The following EPB42 variants were observed in gnomAD, a reference collection of about 807,000 sequenced individuals.
The protein encoded by EPB42 is erythrocyte membrane protein band 4.2.
EPB42 carries 49 observed loss-of-function variants against 76.9 expected under a neutral mutation model. The observed-to-expected ratio is 0.64, with a 90% CI of 0.51 to 0.81. EPB42 has a LOEUF of 0.81. EPB42 is among the 30% of genes least tolerant of loss of function. The pLI is 0.00. For synonymous variants in EPB42, 310 were observed against 338.4 expected (o/e 0.92, Z 0.92); for missense variants, 731 against 867.6 (o/e 0.84, Z 1.98).
chr15:43,220,857 C>T lies in EPB42; in HGVS notation c.-32G>A, dbSNP rs374528475. ...AGGCCGCTCCTCTTATCCACTTGGCCGCAGAAAGCGCCTCTCTCAAACTGT... is the reference window on the plus strand; with the variant it reads ...AGGCCGCTCCTCTTATCCACTTGGCTGCAGAAAGCGCCTCTCTCAAACTGT... On this transcript the variant is annotated 5_prime_UTR_variant, in exon 1 of 13. Coordinates refer to ENST00000441366, the MANE Select transcript of EPB42 (RefSeq NM_001114134.2). 31 of 1,593,768 alleles carry T rather than the reference C, an allele frequency of 1.9e-5. No homozygotes were observed. The highest frequency in any genetic ancestry group is 1.9e-4 in the African/African-American group (14 of 74,678).
intron 6 of EPB42, 123 bp from the exon 7 acceptor site, chr15:43,208,898 A>G: frequency 8.4e-7 from 1 of 1,188,658 alleles, no homozygotes; most frequent in Non-Finnish European, 1.2e-6. Flanking sequence ...GGAGTGCAGG[A>G]ACCTAGAAGT....
At chr15:43,221,266 A>G (rs761675231), upstream of EPB42, 3 of 209,956 alleles carry the variant, frequency 1.4e-5, no homozygotes, top group Non-Finnish European at 2.9e-5. Context: ...GAGGCCACAA[A>G]CAGGAGTCCC....
At chr15:43,212,556 C>G (rs192891269) in intron 3 of EPB42, among the ~76,000 whole-genome samples, 1 of 152,274 alleles carries the variant, frequency 6.6e-6, no homozygotes, top group East Asian at 1.9e-4. Flanking sequence ...TAAGCATAGG[C>G]TGACGGATGT....
chr15:43,212,411 C>G (rs2042315025), intron 3 of EPB42, among the ~76,000 whole-genome samples: 1 of 149,534 alleles, frequency 6.7e-6, no homozygotes. Context: ...AAAAGAAAAT[C>G]CTAGTCGTTC....
At position 43,216,395 on chromosome 15, in the gene EPB42, G is replaced by A. The variant is rs1207873102; in HGVS notation, c.69C>T (p.Thr23=). 20 of 1,614,206 alleles carry A rather than the reference G, an allele frequency of 1.2e-5. No individual in the cohort carries two copies. Among genetic ancestry groups the A allele is most frequent in the Non-Finnish European group, 1.6e-5 (19 of 1,180,038 alleles). The change falls in exon 2 of 13, where the codon ACC becomes ACT. Residue 23 remains threonine, a synonymous_variant. Coordinates refer to ENST00000441366, the MANE Select transcript of EPB42 (RefSeq NM_001114134.2). The stretch of plus-strand genomic sequence containing the variant: ...AGAGGCGCCGGGAGCTGAGGGCCTT[G>A]GTGTGGTGCTCCTCATTGTTTCTTG... ...QAARNNEEHH[T]KALSSRRLFV...
In EPB42 at chr15:43,216,467, G is replaced by A. The variant is rs775862601; in HGVS notation, c.11-14C>T. The A allele has an allele frequency of 1.3e-5, 21 of 1,613,732 alleles. No homozygotes were observed. The highest frequency in any genetic ancestry group is 1.8e-5 in the Non-Finnish European group (21 of 1,179,980). On this transcript the variant is annotated splice_polypyrimidine_tract_variant and intron_variant, in intron 1 of 12. Coordinates refer to ENST00000441366, the MANE Select transcript of EPB42 (RefSeq NM_001114134.2). Reference sequence around the variant, plus strand: ...TGATACCCAGGGCTGTTGTGGGAAAGAGAGAAGTCACGGAAACTAAGTACA... The same window carrying A: ...TGATACCCAGGGCTGTTGTGGGAAAAAGAGAAGTCACGGAAACTAAGTACA...
At chr15:43,222,471 G>A (rs1259444952), upstream of EPB42, among the ~76,000 whole-genome samples, 2 of 152,166 alleles carry the variant, frequency 1.3e-5, no homozygotes, top group Non-Finnish European at 2.9e-5. Flanking sequence ...AGATAAAAAG[G>A]AAGATCACCA....
At chr15:43,224,748 T>A (rs545992673), upstream of EPB42, among the ~76,000 whole-genome samples, 1 of 152,250 alleles carries the variant, frequency 6.6e-6, no homozygotes, top group South Asian at 2.1e-4. Flanking sequence ...TATAAAAGGA[T>A]GTGGAACAAT....
Position 43,213,957 on chromosome 15 carries a change from G to A in EPB42, c.430+1138C>T, listed in dbSNP as rs3803340. ...GTCAGGAGCTGCGGGCCAGACATGA[G>A]GCCAGGCTTAAGAACCTGGGAAGGT... is the stretch of plus-strand genomic sequence containing the variant. On this transcript the variant is annotated intron_variant, in intron 3 of 12. Transcript: ENST00000441366. 3.3e-3 allele frequency among the ~76,000 whole-genome samples: 509 copies of A among 152,272 alleles called. 16 individuals carry two copies. In the East Asian group the frequency reaches 0.079, roughly 24 times the overall value.
In EPB42 at chr15:43,209,459, G is replaced by T; in HGVS notation, c.655-8C>A. On this transcript the variant is annotated splice_region_variant and splice_polypyrimidine_tract_variant and intron_variant, in intron 5 of 12. Transcript: ENST00000441366. ...CTCCTTGAGAAAATGCAGCTGTTTG[G>T]GGAAATGTGTGGATGTCAGTATGAG... 1 of 1,608,152 alleles carries T rather than the reference G, an allele frequency of 6.2e-7. No homozygotes were observed. The highest frequency in any genetic ancestry group is 1.1e-5 in the South Asian group (1 of 90,362).
intron 4 of EPB42, 33 bp downstream of exon 4, chr15:43,211,383 T>A (rs1316152709): frequency 7.5e-7 from 1 of 1,339,278 alleles, no homozygotes; most frequent in Non-Finnish European, 1.1e-6. Context: ...GGACAGTCAC[T>A]CTACACACTC....
intron 10 of EPB42, among the ~76,000 whole-genome samples, chr15:43,205,289 G>C (rs955155643): frequency 2.0e-5 from 3 of 152,230 alleles, no homozygotes; most frequent in African/African-American, 7.2e-5. Context: ...TGACCGGTTA[G>C]AAGGCTGTTG....
intron 7 of EPB42, 81 bp downstream of exon 7, chr15:43,208,556 G>A: frequency 1.9e-6 from 3 of 1,586,794 alleles, no homozygotes; most frequent in Non-Finnish European, 2.6e-6. Context: ...GCCATGCAGG[G>A]GGTGGGGCTC....
intron 12 of EPB42, 35 bp downstream of exon 12, chr15:43,201,809 C>T (rs768546072): frequency 2.5e-6 from 4 of 1,614,050 alleles, no homozygotes; most frequent in South Asian, 2.2e-5. Flanking sequence ...CCCATTGAGA[C>T]ATTTCAGGGG....
At chr15:43,198,447 T>C (rs1224139263) in intron 12 of EPB42, among the ~76,000 whole-genome samples, 2 of 152,150 alleles carry the variant, frequency 1.3e-5, no homozygotes, top group African/African-American at 4.8e-5. Context: ...TTGTGGAACT[T>C]TGAACTTGAG....
At chr15:43,214,076 G>A (rs1348555323) in intron 3 of EPB42, among the ~76,000 whole-genome samples, 1 of 152,242 alleles carries the variant, frequency 6.6e-6, no homozygotes, top group Non-Finnish European at 1.5e-5. Flanking sequence ...GAGGAAAAGG[G>A]CTATGTACTC....
intron 6 of EPB42, 67 bp from the exon 7 acceptor site, chr15:43,208,842 AG>A (rs2042247995): frequency 4.2e-5 from 66 of 1,554,100 alleles, no homozygotes; most frequent in Non-Finnish European, 5.7e-5. Flanking sequence ...GTGGGAGGCT[AG>A]GATTTTCAGT....
chr15:43,197,336 C>G lies in EPB42; in HGVS notation c.2042G>C (p.Ser681Thr). ...NMFQNLTNYK[S>T]VTVVAPELSA The stretch of plus-strand genomic sequence containing the variant: ...TAGTTCAGGGGCTACCACGGTGACG[C>G]TTTTATAGTTGGTTAGGTTCTGGAA... The change falls in exon 13 of 13, where the codon AGC becomes ACC. Residue 681 changes from serine (S) to threonine (T), a missense_variant. Physicochemically the swap from Ser to Thr is moderately conservative, Grantham distance 58. Coordinates refer to ENST00000441366, the MANE Select transcript of EPB42 (RefSeq NM_001114134.2). 6.2e-7 allele frequency: 1 copy of G among 1,614,156 alleles called. No homozygotes were observed. Among genetic ancestry groups the G allele is most frequent in the Non-Finnish European group, 8.5e-7 (1 of 1,180,024 alleles).
rs769368289 is a variant in EPB42, at chr15:43,206,295, G to T, written c.1618+35C>A. ...AGGCAGGGGCCATGTGTGTGTGTGTGTCGGGGGGTGTCTGGTGGGGCCATA... is the reference window on the plus strand; with the variant it reads ...AGGCAGGGGCCATGTGTGTGTGTGTTTCGGGGGGTGTCTGGTGGGGCCATA... On this transcript the variant is annotated intron_variant, in intron 10 of 12. Transcript: ENST00000441366. This position sits in a 1 kb window ranked among gnomAD's most constrained non-coding sequence, Gnocchi z 4.7. 1.8e-5 allele frequency: 29 copies of T among 1,574,642 alleles called. No homozygotes were observed. The highest frequency in any genetic ancestry group is 1.9e-5 in the Non-Finnish European group (22 of 1,156,582).
Sources: gnomAD v4.1 joint callset for allele counts (sites outside exome capture counted in the v4.1 genomes callset) on GRCh38, gnomAD v4.1.1 for gene constraint, Gnocchi (gnomAD v3.1) non-coding constraint, MANE v1.5 for transcripts, NCBI Gene and HGNC (gene_info 2026-07-23, HGNC 2026-07-21) for gene names.